Variants in ST6GALNAC3 observed in about 807,000 individuals in gnomAD.
The protein encoded by ST6GALNAC3 is alpha-N-acetylgalactosaminide alpha-2,6-sialyltransferase 3.
ST6GALNAC3 carries 25 observed loss-of-function variants against 32.7 expected under a neutral mutation model. That is an observed-to-expected ratio of 0.76 (90% CI 0.56 to 1.07). The LOEUF (loss-of-function observed/expected upper bound fraction) is 1.07, where lower values mean the gene tolerates loss of function less well. Ranked by LOEUF, ST6GALNAC3 falls within the 50% of genes least tolerant of loss-of-function variation. ST6GALNAC3 has a pLI of 0.00. For synonymous variants in ST6GALNAC3, 129 were observed against 133.1 expected, an observed-to-expected ratio of 0.97 and a Z score of 0.21; for missense variants, 355 against 382.4, an observed-to-expected ratio of 0.93 and a Z score of 0.60.
rs944126975 is a variant in ST6GALNAC3 at position 76,634,147 on chromosome 1, C to A, written c.*5341C>A. On this transcript the variant is annotated 3_prime_UTR_variant, in exon 5 of 5. Transcript: ENST00000328299. ...CCACAGATACATCTCTTTTTGTTCA[C>A]GCCTTGAAGACTTCAGAAAAATAGA... is the stretch of plus-strand genomic sequence containing the variant. 1.0e-6 allele frequency: 1 copy of A among 984,480 alleles called. No individual in the cohort carries two copies. Among genetic ancestry groups the A allele is most frequent in the Non-Finnish European group, 1.2e-6 (1 of 829,676 alleles). 61.0% of individuals were successfully genotyped at this position (984,480 alleles called of 1,614,324 possible).
chr1:76,159,740 C>T (rs924408221), intron 1 of ST6GALNAC3, among the ~76,000 whole-genome samples: 2 of 152,186 alleles, frequency 1.3e-5, no homozygotes, highest in African/African-American at 4.8e-5. Context: ...AACATAATGT[C>T]TGAAAGATAA....
At chr1:76,168,896 T>G (rs1487486595) in intron 1 of ST6GALNAC3, among the ~76,000 whole-genome samples, 1 of 152,106 alleles carries the variant, frequency 6.6e-6, no homozygotes, top group Non-Finnish European at 1.5e-5. Context: ...GAGTCTTGGT[T>G]TTCTAATCCA....
chr1:76,629,995 G>C lies in ST6GALNAC3; in HGVS notation c.*1189G>C. Reference sequence around the variant, plus strand: ...ATGCCACAATAACAACAATAATAATGTTCTTAATGTCCAAAGTGCTTTGTC... The same window carrying C: ...ATGCCACAATAACAACAATAATAATCTTCTTAATGTCCAAAGTGCTTTGTC... On this transcript the variant is annotated 3_prime_UTR_variant, in exon 5 of 5. Coordinates refer to ENST00000328299, the MANE Select transcript of ST6GALNAC3 (RefSeq NM_152996.4). The C allele has an allele frequency of 1.0e-6, 1 of 985,074 alleles. No homozygotes were observed. The highest frequency in any genetic ancestry group is 1.2e-6 in the Non-Finnish European group (1 of 829,782). 61.0% of individuals were successfully genotyped at this position (985,074 alleles called of 1,614,324 possible).
chr1:76,590,568 GCAAA>G (rs1257968521), intron 3 of ST6GALNAC3, among the ~76,000 whole-genome samples: 3 of 152,100 alleles, frequency 2.0e-5, no homozygotes, highest in African/African-American at 7.2e-5. Flanking sequence ...AGCTGAGAGA[GCAAA>G]CAAAGACAAA....
At chr1:76,543,132 C>A (rs530877035) in intron 3 of ST6GALNAC3, among the ~76,000 whole-genome samples, 15 of 152,150 alleles carry the variant, frequency 9.9e-5, no homozygotes, top group Non-Finnish European at 2.1e-4. Flanking sequence ...TAGCAAATAG[C>A]CCTATCACAT....
At chr1:76,554,067 A>G (rs1009970984) in intron 3 of ST6GALNAC3, among the ~76,000 whole-genome samples, 1 of 152,312 alleles carries the variant, frequency 6.6e-6, no homozygotes, top group South Asian at 2.1e-4. Context: ...TTCTTATTCC[A>G]ATTGAAAATA....
chr1:76,101,165 C>T (rs1462693924), intron 1 of ST6GALNAC3, among the ~76,000 whole-genome samples: 1 of 152,142 alleles, frequency 6.6e-6, no homozygotes, highest in Non-Finnish European at 1.5e-5. Context: ...CTATCCATCC[C>T]TCCCTTCTAC....
intron 1 of ST6GALNAC3, among the ~76,000 whole-genome samples, chr1:76,138,396 T>C (rs1557646953): frequency 1.3e-5 from 2 of 152,062 alleles, no homozygotes; most frequent in African/African-American, 2.4e-5. Context: ...GAGGAAAATA[T>C]TGATATTGCC....
At chr1:76,385,634 T>C (rs1273644316) in intron 2 of ST6GALNAC3, among the ~76,000 whole-genome samples, 3 of 152,146 alleles carry the variant, frequency 2.0e-5, no homozygotes, top group African/African-American at 7.2e-5. Flanking sequence ...TATAATTACC[T>C]TGGAGGATCG....
chr1:76,231,928 A>G (rs1656381648), intron 1 of ST6GALNAC3, among the ~76,000 whole-genome samples: 1 of 152,224 alleles, frequency 6.6e-6, no homozygotes. Flanking sequence ...TAAGCCATTC[A>G]TAACTGAGGT....
At chr1:76,153,238 CT>C (rs1651166422) in intron 1 of ST6GALNAC3, among the ~76,000 whole-genome samples, 1 of 152,060 alleles carries the variant, frequency 6.6e-6, no homozygotes, top group African/African-American at 2.4e-5. Flanking sequence ...TTTTTTTCCC[CT>C]ATAGCTATTG....
chr1:76,251,097 T>A (rs562825581), intron 1 of ST6GALNAC3, among the ~76,000 whole-genome samples: 18 of 152,282 alleles, frequency 1.2e-4, no homozygotes, highest in African/African-American at 3.1e-4. Context: ...CCTACCCTTT[T>A]TTTTTATCGC....
At chr1:76,290,881 CAG>C (rs1390185694) in intron 1 of ST6GALNAC3, among the ~76,000 whole-genome samples, 2 of 152,240 alleles carry the variant, frequency 1.3e-5, no homozygotes, top group East Asian at 3.9e-4. Context: ...GTGAATAAAA[CAG>C]GGGAGGAGGG....
At chr1:76,099,795 T>G (rs1004114246) in intron 1 of ST6GALNAC3, among the ~76,000 whole-genome samples, 1 of 152,152 alleles carries the variant, frequency 6.6e-6, no homozygotes, top group Non-Finnish European at 1.5e-5. Context: ...TAAATAATAC[T>G]TTATTAAGTT....
intron 3 of ST6GALNAC3, among the ~76,000 whole-genome samples, chr1:76,621,685 T>C (rs1223988979): frequency 1.3e-5 from 2 of 152,074 alleles, no homozygotes; most frequent in African/African-American, 2.4e-5. Context: ...GTGCTACTGA[T>C]AATCATCAGC....
chr1:76,511,088 G>A (rs1047078113), intron 3 of ST6GALNAC3, among the ~76,000 whole-genome samples: 2 of 151,974 alleles, frequency 1.3e-5, no homozygotes, highest in African/African-American at 4.8e-5. Flanking sequence ...CCTCCCAGCT[G>A]TTACCACTGT....
chr1:76,503,219 C>G (rs910412421), intron 3 of ST6GALNAC3, among the ~76,000 whole-genome samples: 1 of 152,196 alleles, frequency 6.6e-6, no homozygotes, highest in African/African-American at 2.4e-5. Context: ...ACACCTCTCT[C>G]AGAGCTCACT....
rs557468109 is a variant in ST6GALNAC3 at position 76,459,302 on chromosome 1, C to G, written c.623+46885C>G. ...AGAATAGAATTGGCATGGTGTCTCA[C>G]GCCTGTAATCCCAGCACTTTGGGAG... On this transcript the variant is annotated intron_variant, in intron 3 of 4. Coordinates refer to ENST00000328299, the MANE Select transcript of ST6GALNAC3 (RefSeq NM_152996.4). Among the ~76,000 whole-genome samples the G allele has an allele frequency of 2.0e-5, 3 of 152,260 alleles. No homozygotes were observed. In the South Asian group the frequency reaches 6.2e-4, roughly 32 times the overall value.
chr1:76,553,560 G>T (rs1268079774), intron 3 of ST6GALNAC3, among the ~76,000 whole-genome samples: 1 of 152,150 alleles, frequency 6.6e-6, no homozygotes, highest in Non-Finnish European at 1.5e-5. Context: ...ACTGGGTCCT[G>T]CTTGTGAGCT....
Sources: allele counts gnomAD v4.1 joint callset (sites outside exome capture counted in the v4.1 genomes callset), GRCh38; gene constraint gnomAD v4.1.1; transcripts MANE v1.5; gene names NCBI Gene and HGNC (gene_info 2026-07-23, HGNC 2026-07-21).